ANKFN1: variants seen among roughly 807,000 people sequenced by gnomAD.
ANKFN1 encodes the protein ankyrin repeat and fibronectin type-III domain-containing protein 1.
In ANKFN1, 74 loss-of-function variants were observed where a neutral mutation model predicts 108.7. The ratio of observed to expected loss-of-function variants is 0.68; its 90% CI spans 0.56 to 0.83. The LOEUF is 0.83. Among genes scored for constraint, ANKFN1 ranks in the 40% least tolerant of loss-of-function variants. The pLI is 0.00. For synonymous variants in ANKFN1, 547 were observed against 516.2 expected (o/e 1.06, Z -0.81); for missense variants, 1,505 against 1,382.3 (o/e 1.09, Z -1.41).
intron 4 of ANKFN1, among the ~76,000 whole-genome samples, chr17:56,116,716 A>G (rs374818840): frequency 3.9e-5 from 6 of 152,050 alleles, no homozygotes; most frequent in African/African-American, 9.7e-5. Flanking sequence ...AGCCAAATAA[A>G]CCTCTTTTCT....
intron 8 of ANKFN1, among the ~76,000 whole-genome samples, chr17:56,410,280 G>T (rs969881920): frequency 6.6e-6 from 1 of 152,022 alleles, no homozygotes; most frequent in Non-Finnish European, 1.5e-5. Flanking sequence ...GTTTCACCAT[G>T]TTGGCCAGGT....
At chr17:56,167,290 C>T (rs891675802) in intron 1 of ANKFN1, among the ~76,000 whole-genome samples, 6 of 115,354 alleles carry the variant, frequency 5.2e-5, no homozygotes, top group Non-Finnish European at 1.0e-4. Context: ...TATATATACA[C>T]ACACATACAT....
intron 8 of ANKFN1, among the ~76,000 whole-genome samples, chr17:56,378,285 C>T (rs566183214): frequency 5.3e-5 from 8 of 152,206 alleles, no homozygotes; most frequent in African/African-American, 1.9e-4. Flanking sequence ...ACCATTGGGA[C>T]ATTAAAACCC....
chr17:56,342,372 G>GT (rs760999894), intron 4 of ANKFN1, among the ~76,000 whole-genome samples: 39 of 151,330 alleles, frequency 2.6e-4, no homozygotes, highest in Non-Finnish European at 3.4e-4. Context: ...TGGTTCTCTA[G>GT]GTTTTTTTGT....
At chr17:56,465,040 A>G (rs1353875449) in intron 14 of ANKFN1, among the ~76,000 whole-genome samples, 1 of 152,190 alleles carries the variant, frequency 6.6e-6, no homozygotes, top group Non-Finnish European at 1.5e-5. Context: ...CTACAGCAAG[A>G]GTATTTACAC....
chr17:56,210,294 T>C (rs1411099207), intron 1 of ANKFN1, among the ~76,000 whole-genome samples: 1 of 152,216 alleles, frequency 6.6e-6, no homozygotes, highest in African/African-American at 2.4e-5. Flanking sequence ...TATTGACTTT[T>C]AGTTCTTTAA....
At chr17:56,440,207 G>A (rs928219744) in intron 8 of ANKFN1, 120 bp from the exon 9 acceptor site, 1 of 464,550 alleles carries the variant, frequency 2.2e-6, no homozygotes, top group South Asian at 4.5e-5. Flanking sequence ...AAAGAAAGGA[G>A]GGTGCACTTA....
At chr17:56,253,831 C>T (rs1262202075) in intron 3 of ANKFN1, among the ~76,000 whole-genome samples, 1 of 152,200 alleles carries the variant, frequency 6.6e-6, no homozygotes, top group Admixed American at 6.5e-5. Context: ...CGGGATAACA[C>T]TTACACCACC....
intron 15 of ANKFN1, among the ~76,000 whole-genome samples, chr17:56,468,179 A>T (rs1408851649): frequency 1.3e-5 from 2 of 152,190 alleles, no homozygotes; most frequent in Non-Finnish European, 2.9e-5. Flanking sequence ...ACATTATGTC[A>T]TATTTTGAGG....
chr17:56,176,615 A>G (rs775354310), intron 1 of ANKFN1, among the ~76,000 whole-genome samples: 3 of 152,156 alleles, frequency 2.0e-5, no homozygotes, highest in Non-Finnish European at 4.4e-5. Context: ...GGCCCTCAAA[A>G]GACATTAAAT....
chr17:56,483,350 G>A (rs958643637), intron 18 of ANKFN1, among the ~76,000 whole-genome samples: 3 of 152,184 alleles, frequency 2.0e-5, no homozygotes, highest in African/African-American at 7.2e-5. Context: ...GGGTGAGTGA[G>A]TGGGTGGGTG....
At chr17:56,489,693 C>G (rs895047863) in intron 18 of ANKFN1, among the ~76,000 whole-genome samples, 1 of 151,990 alleles carries the variant, frequency 6.6e-6, no homozygotes, top group African/African-American at 2.4e-5. Context: ...CCCTATTTTT[C>G]CAGTCATATT....
At chr17:56,090,803 T>A (rs899936106) in intron 4 of ANKFN1, among the ~76,000 whole-genome samples, 1 of 151,112 alleles carries the variant, frequency 6.6e-6, no homozygotes, top group African/African-American at 2.4e-5. Flanking sequence ...AGATTGGCTC[T>A]CCCTATGTTG....
chr17:56,053,462 A>G (rs1315124134), intron 4 of ANKFN1, among the ~76,000 whole-genome samples: 1 of 152,218 alleles, frequency 6.6e-6, no homozygotes, highest in African/African-American at 2.4e-5. Context: ...ATTTCTCTCC[A>G]TGACATTGCA....
intron 4 of ANKFN1, among the ~76,000 whole-genome samples, chr17:56,147,061 C>T (rs899184199): frequency 7.2e-5 from 11 of 152,176 alleles, no homozygotes; most frequent in Non-Finnish European, 1.2e-4. Flanking sequence ...GCACCAGTCT[C>T]TTTGCTAAAG....
At chr17:56,214,863 G>A (rs1045554440) in intron 2 of ANKFN1, among the ~76,000 whole-genome samples, 2 of 152,178 alleles carry the variant, frequency 1.3e-5, no homozygotes, top group Non-Finnish European at 2.9e-5. Context: ...GGGCTAACAT[G>A]CAAACAAATA....
At chr17:56,302,500 G>A (rs1449268041) in intron 3 of ANKFN1, among the ~76,000 whole-genome samples, 1 of 143,190 alleles carries the variant, frequency 7.0e-6, no homozygotes, top group Non-Finnish European at 1.5e-5. Flanking sequence ...GGACAACAGA[G>A]TGAGACCTAG....
At chr17:56,195,790 AG>A (rs772454020) in intron 1 of ANKFN1, among the ~76,000 whole-genome samples, 7 of 152,136 alleles carry the variant, frequency 4.6e-5, no homozygotes, top group Non-Finnish European at 8.8e-5. Context: ...ATTCCATAAC[AG>A]GGCATGTATC....
intron 4 of ANKFN1, among the ~76,000 whole-genome samples, chr17:56,077,016 A>G (rs1905189666): frequency 1.3e-5 from 2 of 152,198 alleles, no homozygotes; most frequent in Admixed American, 1.3e-4. Context: ...CTATTTTTCA[A>G]TAAGGAAGTA....
Sources: gnomAD v4.1 joint callset for allele counts (sites outside exome capture counted in the v4.1 genomes callset) on GRCh38, gnomAD v4.1.1 for gene constraint, MANE v1.5 for transcripts, NCBI Gene and HGNC (gene_info 2026-07-23, HGNC 2026-07-21) for gene names.